Variants in PAPSS1 observed in about 807,000 individuals in gnomAD.
The protein encoded by PAPSS1 is 3'-phosphoadenosine 5'-phosphosulfate synthase 1.
PAPSS1 carries 50 observed loss-of-function variants against 72.0 expected under a neutral mutation model. The ratio of observed to expected loss-of-function variants is 0.69; its 90% confidence interval spans 0.55 to 0.88. PAPSS1 has a LOEUF of 0.88. Among genes scored for constraint, PAPSS1 ranks in the 40% least tolerant of loss-of-function variants. The pLI, the probability that PAPSS1 is intolerant of heterozygous loss-of-function variation, is 0.00. For missense variants in PAPSS1, 657 were observed against 782.2 expected, an observed-to-expected ratio of 0.84 and a Z score of 1.91; for synonymous variants, 261 against 263.6, an observed-to-expected ratio of 0.99 and a Z score of 0.09.
At chr4:107,643,062 C>T (rs976486937) in intron 10 of PAPSS1, among the ~76,000 whole-genome samples, 3 of 152,108 alleles carry the variant, frequency 2.0e-5, no homozygotes, top group African/African-American at 4.8e-5. Flanking sequence ...AATCACACAG[C>T]GAAACACCAC....
chr4:107,707,028 T>C (rs1403474427), intron 1 of PAPSS1, among the ~76,000 whole-genome samples: 6 of 152,176 alleles, frequency 3.9e-5, no homozygotes, highest in African/African-American at 1.4e-4. Flanking sequence ...GGAACCTGGG[T>C]CCACAGAAAT....
At chr4:107,680,895 C>G (rs1377956057) in intron 5 of PAPSS1, among the ~76,000 whole-genome samples, 1 of 151,838 alleles carries the variant, frequency 6.6e-6, no homozygotes, top group Non-Finnish European at 1.5e-5. Flanking sequence ...TCAGTAAATA[C>G]AAAGAAAAAC....
chr4:107,672,546 G>C (rs922023096), intron 5 of PAPSS1, among the ~76,000 whole-genome samples: 3 of 152,216 alleles, frequency 2.0e-5, no homozygotes, highest in Admixed American at 1.3e-4. Flanking sequence ...GCCAAGGATT[G>C]AGTAGGTAAA....
chr4:107,681,234 T>C (rs1219187347), intron 5 of PAPSS1, among the ~76,000 whole-genome samples: 2 of 152,044 alleles, frequency 1.3e-5, no homozygotes, highest in Non-Finnish European at 2.9e-5. Flanking sequence ...ATGATGTCTT[T>C]TTCTGTGTAC....
At chr4:107,685,506 G>C (rs1722760315) in intron 4 of PAPSS1, among the ~76,000 whole-genome samples, 1 of 152,194 alleles carries the variant, frequency 6.6e-6, no homozygotes, top group Non-Finnish European at 1.5e-5. Context: ...AGTGAAAACT[G>C]GCCATTGAGA....
intron 3 of PAPSS1, among the ~76,000 whole-genome samples, chr4:107,689,870 C>T (rs1722873686): frequency 1.3e-5 from 2 of 152,166 alleles, no homozygotes; most frequent in Admixed American, 1.3e-4. Context: ...CCCTCCTATC[C>T]TGTACTTCAT....
At chr4:107,647,376 A>ACC (rs1726723140) in intron 9 of PAPSS1, among the ~76,000 whole-genome samples, 2 of 152,168 alleles carry the variant, frequency 1.3e-5, no homozygotes. Flanking sequence ...GGATTCATTG[A>ACC]TTGAACCAAT....
chr4:107,654,979 G>A (rs1354552999), intron 7 of PAPSS1, 79 bp from the exon 8 acceptor site: 3 of 994,310 alleles, frequency 3.0e-6, no homozygotes, highest in Non-Finnish European at 4.6e-6. Context: ...TTTCACTTCA[G>A]GGGACACTTT....
intron 10 of PAPSS1, among the ~76,000 whole-genome samples, chr4:107,637,629 T>C (rs893015949): frequency 6.6e-6 from 1 of 152,218 alleles, no homozygotes; most frequent in African/African-American, 2.4e-5. Flanking sequence ...TTTCTTTATA[T>C]CTTCACACCA....
intron 10 of PAPSS1, among the ~76,000 whole-genome samples, chr4:107,640,999 T>C (rs1488139221): frequency 6.6e-6 from 1 of 152,104 alleles, no homozygotes; most frequent in African/African-American, 2.4e-5. Flanking sequence ...TTGAGGCTTC[T>C]TGGCAGCAAG....
At chr4:107,673,455 G>A (rs1487986217) in intron 5 of PAPSS1, among the ~76,000 whole-genome samples, 2 of 152,282 alleles carry the variant, frequency 1.3e-5, no homozygotes, top group South Asian at 2.1e-4. Flanking sequence ...GGAAGAAAGG[G>A]TATCAGTGAT....
chr4:107,689,051 C>T (rs894355878), intron 3 of PAPSS1, among the ~76,000 whole-genome samples: 8 of 152,152 alleles, frequency 5.3e-5, no homozygotes, highest in African/African-American at 1.9e-4. Flanking sequence ...CAATCTTTCC[C>T]TATTCCCTAG....
At chr4:107,667,087 G>A (rs1206514388) in intron 5 of PAPSS1, among the ~76,000 whole-genome samples, 1 of 152,116 alleles carries the variant, frequency 6.6e-6, no homozygotes, top group Non-Finnish European at 1.5e-5. Context: ...CCTGACCTCT[G>A]GGGAGCAGAA....
At chr4:107,641,729 A>T (rs757753247) in intron 10 of PAPSS1, among the ~76,000 whole-genome samples, 16 of 152,172 alleles carry the variant, frequency 1.1e-4, no homozygotes, top group Non-Finnish European at 1.9e-4. Context: ...GGATATCCCA[A>T]ATCAGGGCTA....
chr4:107,646,294 T>G (rs1414918222), intron 9 of PAPSS1, among the ~76,000 whole-genome samples: 2 of 124,574 alleles, frequency 1.6e-5, no homozygotes, highest in African/African-American at 3.2e-5. Context: ...GAACTACAGA[T>G]ATATATATAT....
rs1292202417 is a variant in PAPSS1, at chr4:107,693,994, G to A, written c.188C>T (p.Ala63Val). 5 of 1,610,578 alleles carry A rather than the reference G, an allele frequency of 3.1e-6. No homozygotes were observed. The highest frequency in any genetic ancestry group is 4.2e-6 in the Non-Finnish European group (5 of 1,177,800). Residue 63 changes from alanine to valine, a missense_variant, in exon 3 of 12, where the codon GCG becomes GTG. Physicochemically the swap from Ala to Val is moderately conservative, Grantham distance 64. This residue lies in a region of PAPSS1 where 119 missense variants were observed against 171.1 expected (regional missense o/e 0.70). Coordinates refer to ENST00000265174, the MANE Select transcript of PAPSS1 (RefSeq NM_005443.5). ...CTVWLTGLSG[A>V]GKTTVSMALE... Reference sequence around the variant, plus strand: ...GGCCATGCTCACAGTAGTCTTTCCCGCTCCAGACAAGCCTAAAATTAAACA... The same window carrying A: ...GGCCATGCTCACAGTAGTCTTTCCCACTCCAGACAAGCCTAAAATTAAACA...
chr4:107,680,106 A>G (rs1326841620), intron 5 of PAPSS1, among the ~76,000 whole-genome samples: 2 of 152,150 alleles, frequency 1.3e-5, no homozygotes, highest in East Asian at 3.9e-4. Flanking sequence ...ATGTGTAACT[A>G]GAGTCCCAGA....
At chr4:107,657,045 A>C in intron 6 of PAPSS1, 38 bp from the exon 7 acceptor site, 1 of 1,292,732 alleles carries the variant, frequency 7.7e-7, no homozygotes. Flanking sequence ...TTTCTATTGC[A>C]TGTATATATG....
intron 5 of PAPSS1, among the ~76,000 whole-genome samples, chr4:107,664,649 T>C (rs1392443952): frequency 1.3e-5 from 2 of 151,750 alleles, no homozygotes; most frequent in Non-Finnish European, 2.9e-5. Context: ...CTTCCAACCA[T>C]ATCCCCAAGT....
Sources: allele counts gnomAD v4.1 joint callset (sites outside exome capture counted in the v4.1 genomes callset), GRCh38; gene constraint gnomAD v4.1.1; regional missense constraint gnomAD v4.1.1; transcripts MANE v1.5; gene names NCBI Gene and HGNC (gene_info 2026-07-23, HGNC 2026-07-21).